Variants in ZC3H11A observed in about 807,000 individuals in gnomAD.
ZC3H11A encodes the protein zinc finger CCCH-type containing 11A.
In ZC3H11A, 22 loss-of-function variants were observed where a neutral mutation model predicts 90.8. The observed-to-expected ratio is 0.24, with a 90% CI of 0.17 to 0.35. The LOEUF (loss-of-function observed/expected upper bound fraction) is 0.35, where lower values mean the gene tolerates loss of function less well. ZC3H11A is among the 10% of genes least tolerant of loss of function. The pLI, the probability that ZC3H11A is intolerant of heterozygous loss-of-function variation, is 1.00. For synonymous variants in ZC3H11A, 294 were observed against 339.8 expected, an observed-to-expected ratio of 0.87 and a Z score of 1.48; for missense variants, 701 against 964.9, an observed-to-expected ratio of 0.73 and a Z score of 3.62.
chr1:203,807,473 T>C (rs1672762676), intron 2 of ZC3H11A, among the ~76,000 whole-genome samples: 1 of 151,618 alleles, frequency 6.6e-6, no homozygotes, highest in African/African-American at 2.4e-5. Flanking sequence ...ATTATGACTG[T>C]TTTTTGGGTT....
chr1:203,813,024 GTTTTC>G (rs1474914095), intron 2 of ZC3H11A, among the ~76,000 whole-genome samples: 1 of 151,952 alleles, frequency 6.6e-6, no homozygotes, highest in Non-Finnish European at 1.5e-5. Context: ...TTGGGGAGTT[GTTTTC>G]TTATTTTTGA....
chr1:203,834,364 T>C (rs927512196), intron 10 of ZC3H11A, among the ~76,000 whole-genome samples: 1 of 152,168 alleles, frequency 6.6e-6, no homozygotes, highest in African/African-American at 2.4e-5. Flanking sequence ...CTCCACCTCC[T>C]GGACTCAAGT....
chr1:203,842,242 G>A (rs1242444408), intron 12 of ZC3H11A, among the ~76,000 whole-genome samples: 2 of 152,192 alleles, frequency 1.3e-5, no homozygotes, highest in African/African-American at 2.4e-5. Context: ...GGGAGGCAAG[G>A]CAGGCGGCTG....
rs946038742 is a variant in ZC3H11A at position 203,818,753 on chromosome 1, A to T, written c.174+64A>T. 4.3e-6 allele frequency: 7 copies of T among 1,609,814 alleles called. No homozygotes were observed. The African/African-American group carries it at 8.0e-5, about 18-fold the overall frequency. ...GAGACCTGGTGGGCCAATAAAAAAT[A>T]TAGGGACAAAAGTGACTTTTAAAAA... On this transcript the variant is annotated intron_variant, in intron 4 of 17. Coordinates refer to ENST00000367210, the MANE Select transcript of ZC3H11A (RefSeq NM_001376342.1).
In ZC3H11A at chr1:203,852,391, G is replaced by A. The variant is rs767274925; in HGVS notation, c.2425G>A (p.Asp809Asn). The A allele has an allele frequency of 4.6e-5, 74 of 1,613,586 alleles. No homozygotes were observed. The highest frequency in any genetic ancestry group is 6.1e-5 in the Non-Finnish European group (72 of 1,179,842). ...DLLLELSEMIDS is the reference protein window; with the variant it reads ...DLLLELSEMINS ...TCTGCTTGAGCTATCAGAAATGATT[G>A]ATAGCTGAAGGTGGTAGTGAGGACA... is the stretch of plus-strand genomic sequence containing the variant. Residue 809 changes from aspartate to asparagine, a missense_variant, in exon 18 of 18, where the codon GAT (aspartate) becomes AAT (asparagine). Physicochemically the swap from Asp to Asn is conservative, Grantham distance 23. Around this residue, in one of 4 missense-constraint regions of ZC3H11A, gnomAD observed 21 missense variants for 49.1 expected, o/e 0.43. Coordinates refer to ENST00000367210, the MANE Select transcript of ZC3H11A (RefSeq NM_001376342.1).
intron 1 of ZC3H11A, chr1:203,798,734 TC>T: frequency 6.5e-7 from 1 of 1,536,110 alleles, no homozygotes; most frequent in Non-Finnish European, 8.7e-7. Flanking sequence ...GTTGTGGAAA[TC>T]CAGTCTCAAG....
chr1:203,797,287 C>A, intron 1 of ZC3H11A: 1 of 342,510 alleles, frequency 2.9e-6, no homozygotes, highest in East Asian at 5.3e-5. Flanking sequence ...GAATTCAGAA[C>A]TTAGAAAATT....
chr1:203,817,630 C>T (rs1032038953), intron 3 of ZC3H11A, among the ~76,000 whole-genome samples: 1 of 152,152 alleles, frequency 6.6e-6, no homozygotes, highest in East Asian at 1.9e-4. Flanking sequence ...GTCAAAACTT[C>T]TGTTTTTCTC....
chr1:203,820,982 C>T (rs533481143), intron 4 of ZC3H11A, among the ~76,000 whole-genome samples: 10 of 152,158 alleles, frequency 6.6e-5, no homozygotes, highest in Admixed American at 5.9e-4. Flanking sequence ...ACTTTTTCCC[C>T]GTTATTGATG....
chr1:203,796,841 T>C (rs1162363971), intron 1 of ZC3H11A: 1 of 165,496 alleles, frequency 6.0e-6, no homozygotes, highest in Non-Finnish European at 1.3e-5. Flanking sequence ...CTCAAAGCAT[T>C]TTTTTCCAGC....
At chr1:203,805,421 G>A (rs1224474324) in intron 2 of ZC3H11A, among the ~76,000 whole-genome samples, 4 of 152,054 alleles carry the variant, frequency 2.6e-5, no homozygotes, top group Admixed American at 6.5e-5. Context: ...GTGAGCCACC[G>A]CGCCCTGCCA....
chr1:203,825,517 T>C (rs10158428), intron 4 of ZC3H11A, among the ~76,000 whole-genome samples: 19,468 of 145,158 alleles, frequency 0.13, 1,438 homozygotes, highest in Non-Finnish European at 0.15. Flanking sequence ...TCACTGAAAC[T>C]TCCACCTCCC....
chr1:203,798,354 C>G lies in ZC3H11A; in HGVS notation c.-1588+2560C>G, dbSNP rs1477414172. 4.6e-6 allele frequency: 7 copies of G among 1,535,234 alleles called. 1 individual carries two copies. The South Asian group carries it at 4.8e-5, about 10-fold the overall frequency. On this transcript the variant is annotated intron_variant, in intron 1 of 17. Coordinates refer to ENST00000367210, the MANE Select transcript of ZC3H11A (RefSeq NM_001376342.1). The stretch of plus-strand genomic sequence containing the variant: ...TTGGAATTTTTTTTACACTGATCCT[C>G]AGCACATCTCAAGAGCTGTGTGTAA...
At chr1:203,797,755 A>G in intron 1 of ZC3H11A, 1 of 1,535,698 alleles carries the variant, frequency 6.5e-7, no homozygotes, top group East Asian at 2.4e-5. Flanking sequence ...CGTCGAAAAA[A>G]ATTGATTCTT....
intron 12 of ZC3H11A, among the ~76,000 whole-genome samples, chr1:203,844,975 C>G (rs960501359): frequency 1.3e-5 from 2 of 152,100 alleles, no homozygotes; most frequent in East Asian, 3.9e-4. Context: ...GAGGTCATGA[C>G]TGGCCCAACT....
At chr1:203,821,782 G>T (rs145419487) in intron 4 of ZC3H11A, among the ~76,000 whole-genome samples, 2 of 151,476 alleles carry the variant, frequency 1.3e-5, no homozygotes, top group African/African-American at 4.8e-5. Flanking sequence ...TTTTGAGACG[G>T]AGTCTTGCTC....
intron 2 of ZC3H11A, among the ~76,000 whole-genome samples, chr1:203,808,768 T>G (rs1673227439): frequency 6.6e-6 from 1 of 152,228 alleles, no homozygotes; most frequent in East Asian, 1.9e-4. Context: ...GAAATTAGAG[T>G]CTTCATCTTC....
chr1:203,846,779 A>G (rs1172309643), intron 12 of ZC3H11A, among the ~76,000 whole-genome samples: 2 of 152,196 alleles, frequency 1.3e-5, no homozygotes, highest in Non-Finnish European at 2.9e-5. Context: ...ATACAAATCA[A>G]TTTTTGCCTC....
chr1:203,841,780 G>T (rs1377810315), intron 12 of ZC3H11A, among the ~76,000 whole-genome samples: 1 of 149,220 alleles, frequency 6.7e-6, no homozygotes, highest in Non-Finnish European at 1.5e-5. Flanking sequence ...CCGGGTGGAG[G>T]CGCCCCCCAC....
Sources: allele counts gnomAD v4.1 joint callset (sites outside exome capture counted in the v4.1 genomes callset), GRCh38; gene constraint gnomAD v4.1.1; regional missense constraint gnomAD v4.1.1; transcripts MANE v1.5; gene names NCBI Gene and HGNC (gene_info 2026-07-23, HGNC 2026-07-21).